Variants in STRN observed in about 807,000 individuals in gnomAD.
STRN encodes striatin.
STRN carries 53 observed loss-of-function variants against 96.3 expected under a neutral mutation model. That is an observed-to-expected ratio of 0.55 (90% CI 0.44 to 0.69). The LOEUF (loss-of-function observed/expected upper bound fraction) is 0.69. STRN is among the 30% of genes least tolerant of loss of function. The pLI is 0.00. For synonymous variants in STRN, 428 were observed against 355.9 expected (o/e 1.20, Z -2.28); for missense variants, 987 against 963.9 (o/e 1.02, Z -0.32).
intron 10 of STRN, among the ~76,000 whole-genome samples, chr2:36,871,975 T>C (rs1314000391): frequency 6.6e-6 from 1 of 152,252 alleles, no homozygotes; most frequent in Non-Finnish European, 1.5e-5. Flanking sequence ...GGGCTGGTTA[T>C]TCTGGAAGAA....
intron 3 of STRN, among the ~76,000 whole-genome samples, chr2:36,909,617 T>G (rs57747847): frequency 6.6e-6 from 1 of 151,694 alleles, no homozygotes; most frequent in South Asian, 2.1e-4. Context: ...AAAACAGTAT[T>G]TGAAGAAATA....
At chr2:36,866,051 G>C (rs1402661245) in intron 12 of STRN, among the ~76,000 whole-genome samples, 1 of 152,058 alleles carries the variant, frequency 6.6e-6, no homozygotes, top group Non-Finnish European at 1.5e-5. Flanking sequence ...GTATGGTTTT[G>C]AGCAATCTTG....
intron 1 of STRN, among the ~76,000 whole-genome samples, chr2:36,933,816 G>GA (rs1050743415): frequency 1.3e-4 from 19 of 151,854 alleles, no homozygotes; most frequent in Admixed American, 3.3e-4. Flanking sequence ...AACAGTTTAA[G>GA]AAAAAAAACT....
intron 9 of STRN, among the ~76,000 whole-genome samples, chr2:36,880,206 G>A (rs1038736435): frequency 2.6e-5 from 4 of 152,190 alleles, no homozygotes; most frequent in Non-Finnish European, 4.4e-5. Flanking sequence ...GACCTCAAGC[G>A]ATCTCCCTGC....
intron 8 of STRN, among the ~76,000 whole-genome samples, chr2:36,886,496 A>T (rs1669231332): frequency 6.6e-6 from 1 of 152,228 alleles, no homozygotes; most frequent in South Asian, 2.1e-4. Flanking sequence ...ATTGGGATAT[A>T]GTATACATGA....
At chr2:36,919,118 A>G (rs180722624) in intron 2 of STRN, among the ~76,000 whole-genome samples, 2 of 152,322 alleles carry the variant, frequency 1.3e-5, no homozygotes, top group Non-Finnish European at 1.5e-5. Context: ...GCTAAAAATA[A>G]TTTGATTAAT....
intron 16 of STRN, among the ~76,000 whole-genome samples, chr2:36,850,466 C>T (rs1668191752): frequency 6.6e-6 from 1 of 152,112 alleles, no homozygotes; most frequent in Non-Finnish European, 1.5e-5. Flanking sequence ...TGAGGACCAA[C>T]CAGTCAGTTT....
rs1433037724 is a variant in STRN, at chr2:36,841,738, G to T, written c.*7718C>A. ...TTTTTACAGCTTCCTAAAATATAAT[G>T]AAAACTATTTCCTCTGACACTTTGC... is the stretch of plus-strand genomic sequence containing the variant. On this transcript the variant is annotated 3_prime_UTR_variant, in exon 18 of 18. Coordinates refer to ENST00000263918, the MANE Select transcript of STRN (RefSeq NM_003162.4). 6.6e-6 allele frequency: 1 copy of T among 152,148 alleles called. No homozygotes were observed. The highest frequency in any genetic ancestry group is 1.9e-4 in the East Asian group (1 of 5,192). 9.4% of individuals were successfully genotyped at this position (152,148 alleles called of 1,614,324 possible). A position where few individuals can be genotyped will look rare whatever the true frequency, so the allele number is the denominator to read the frequency against.
chr2:36,966,484 G>A lies in STRN; in HGVS notation c.-21C>T. The stretch of plus-strand genomic sequence containing the variant: ...TCCATGGCGGCCGCAGATACCCGGG[G>A]AGCTGCCCCGGCGCCCAGCAGCGGA... On this transcript the variant is annotated 5_prime_UTR_variant, in exon 1 of 18. Coordinates refer to ENST00000263918, the MANE Select transcript of STRN (RefSeq NM_003162.4). 1 of 1,412,588 alleles carries A rather than the reference G, an allele frequency of 7.1e-7. No homozygotes were observed. 87.5% of individuals were successfully genotyped at this position (1,412,588 alleles called of 1,614,324 possible).
rs918758027 is a variant in STRN, at chr2:36,841,223, T to G, written c.*8233A>C. ...AAAAGGAGTTTATTGTCTTGCTTGT[T>G]AAAAGGCTGACCAAAAAGAAAGTAA... On this transcript the variant is annotated 3_prime_UTR_variant, in exon 18 of 18. Transcript: ENST00000263918. 2 of 151,924 alleles carry G rather than the reference T, an allele frequency of 1.3e-5. No individual in the cohort carries two copies. 9.4% of individuals were successfully genotyped at this position (151,924 alleles called of 1,614,324 possible).
chr2:36,849,540 T>C lies in STRN; in HGVS notation c.2259A>G (p.Glu753=). 2 of 1,614,176 alleles carry C rather than the reference T, an allele frequency of 1.2e-6. No homozygotes were observed. Among genetic ancestry groups the C allele is most frequent in the Middle Eastern group, 1.6e-4 (1 of 6,062 alleles). The change falls in exon 18 of 18, where the codon GAA becomes GAG. Residue 753 remains glutamate, a synonymous_variant. Transcript: ENST00000263918. ...GGTGGAAAGCTACATCATGAATCGA[T>C]TCTTCAAACTTTTTTCGATGAGCTG... The part of the protein sequence containing the change: ...EFTAHRKKFE[E]SIHDVAFHPS...
intron 1 of STRN, among the ~76,000 whole-genome samples, chr2:36,937,041 C>A (rs114030158): frequency 0.02 from 2,981 of 152,100 alleles, 98 homozygotes; most frequent in African/African-American, 0.068. Context: ...GATAAATAAG[C>A]TCAGTTAAAA....
intron 6 of STRN, among the ~76,000 whole-genome samples, chr2:36,895,126 G>A (rs1669503616): frequency 6.6e-6 from 1 of 152,040 alleles, no homozygotes. Flanking sequence ...AGGAGATCGA[G>A]ACCATCCTGG....
At chr2:36,855,902 T>C (rs1668332473) in intron 14 of STRN, among the ~76,000 whole-genome samples, 1 of 152,122 alleles carries the variant, frequency 6.6e-6, no homozygotes, top group Admixed American at 6.5e-5. Context: ...CATGAAAACT[T>C]AGAGCTTATT....
chr2:36,910,755 T>C (rs898374662), intron 3 of STRN, among the ~76,000 whole-genome samples: 1 of 152,160 alleles, frequency 6.6e-6, no homozygotes, highest in African/African-American at 2.4e-5. Context: ...TAAGTGCAAA[T>C]GGTCTAAATT....
intron 1 of STRN, among the ~76,000 whole-genome samples, chr2:36,930,586 G>T (rs1349100235): frequency 2.6e-5 from 4 of 152,110 alleles, no homozygotes; most frequent in African/African-American, 9.7e-5. Context: ...TGCATTTCTA[G>T]TAAGTACCCA....
At chr2:36,912,242 G>A (rs1317576969) in intron 3 of STRN, among the ~76,000 whole-genome samples, 1 of 152,140 alleles carries the variant, frequency 6.6e-6, no homozygotes, top group Non-Finnish European at 1.5e-5. Context: ...ACACGTGTGC[G>A]TGAGAGTGTG....
intron 12 of STRN, among the ~76,000 whole-genome samples, chr2:36,863,143 C>G (rs1422289534): frequency 6.6e-6 from 1 of 151,798 alleles, no homozygotes; most frequent in Non-Finnish European, 1.5e-5. Flanking sequence ...CGCTGTTGAT[C>G]GTTCTAATGT....
intron 1 of STRN, among the ~76,000 whole-genome samples, chr2:36,945,840 C>T (rs1670969095): frequency 1.3e-5 from 2 of 152,160 alleles, no homozygotes; most frequent in Non-Finnish European, 2.9e-5. Context: ...TCAACATCTA[C>T]TAGTTTTAAC....
Sources: gnomAD v4.1 joint callset for allele counts (sites outside exome capture counted in the v4.1 genomes callset) on GRCh38, gnomAD v4.1.1 for gene constraint, MANE v1.5 for transcripts, NCBI Gene and HGNC (gene_info 2026-07-23, HGNC 2026-07-21) for gene names.